The following FAM131B variants were observed in gnomAD, a reference collection of about 807,000 sequenced individuals.
FAM131B encodes the protein family with sequence similarity 131 member B, also known as protein FAM131B.
A neutral mutation model predicts 42.0 loss-of-function variants in FAM131B; 19 were observed. The ratio of observed to expected loss-of-function variants is 0.45; its 90% CI spans 0.32 to 0.66. FAM131B has a LOEUF of 0.66. FAM131B is among the 30% of genes least tolerant of loss of function. The pLI is 0.05. For missense variants in FAM131B, 370 were observed against 468.4 expected (o/e 0.79, Z 1.94); for synonymous variants, 183 against 177.6 (o/e 1.03, Z -0.24).
chr7:143,358,919 A>G lies in FAM131B; in HGVS notation c.374T>C (p.Val125Ala). Residue 125 changes from valine (V) to alanine (A), a missense_variant, in exon 5 of 7, where the codon GTT becomes GCT. Transcript: ENST00000443739. This position sits in a 1 kb window ranked among gnomAD's most constrained non-coding sequence, Gnocchi z 4.7. Reference sequence around the variant, plus strand: ...GGACTCATGGCTGTGTTGTGGCTGAACAGCTGGTGTCTTCCCCCAGCCCTG... The same window carrying G: ...GGACTCATGGCTGTGTTGTGGCTGAGCAGCTGGTGTCTTCCCCCAGCCCTG... The part of the protein sequence containing the change: ...EWQGWGKTPA[V>A]QPQHSHESVR... 1 of 1,613,998 alleles carries G rather than the reference A, an allele frequency of 6.2e-7. No homozygotes were observed. Among genetic ancestry groups the G allele is most frequent in the Non-Finnish European group, 8.5e-7 (1 of 1,180,000 alleles).
At chr7:143,378,291 T>G in the FAM131B span, among the ~76,000 whole-genome samples, 2 of 152,236 alleles carry the variant, frequency 1.3e-5, no homozygotes, top group African/African-American at 4.8e-5. Context: ...TGACTGCTCT[T>G]AACTTCCTAC....
chr7:143,357,898 G>A (rs913976060), intron 5 of FAM131B, among the ~76,000 whole-genome samples: 6 of 152,118 alleles, frequency 3.9e-5, no homozygotes, highest in Non-Finnish European at 4.4e-5. Flanking sequence ...GATTCCTAGG[G>A]GAAAGAGTTA....
In FAM131B at chr7:143,356,719, T is replaced by C. The variant is rs545745498; in HGVS notation, c.914A>G (p.Lys305Arg). 1 of 1,614,152 alleles carries C rather than the reference T, an allele frequency of 6.2e-7. No homozygotes were observed. Among genetic ancestry groups the C allele is most frequent in the South Asian group, 1.1e-5 (1 of 91,078 alleles). The change falls in exon 7 of 7, where the codon AAG (lysine) becomes AGG (arginine). Residue 305 changes from lysine to arginine, a missense_variant. Coordinates refer to ENST00000443739, the MANE Select transcript of FAM131B (RefSeq NM_001031690.3). This position sits in a 1 kb window ranked among gnomAD's most constrained non-coding sequence, Gnocchi z 4.4. ...TTCCTCCTCAGGTGCCAATGGCCTC[T>C]TCTCCTCCTCAGCAGGGCCCCTTGC... ...DLARGPAEEE[K>R]RPLAPEEEED...
intron 1 of FAM131B, chr7:143,360,392 G>A: frequency 7.3e-7 from 1 of 1,370,936 alleles, no homozygotes; most frequent in Non-Finnish European, 9.4e-7. Context: ...TTGTTTATGT[G>A]GAGGGGTCAG....
At chr7:143,369,110 C>T in the FAM131B span, among the ~76,000 whole-genome samples, 1 of 152,144 alleles carries the variant, frequency 6.6e-6, no homozygotes, top group Non-Finnish European at 1.5e-5. Flanking sequence ...GCTGTACTTC[C>T]ACAGACAAGG....
intron 1 of FAM131B, chr7:143,360,463 A>T: frequency 8.6e-7 from 1 of 1,167,148 alleles, no homozygotes; most frequent in South Asian, 2.0e-5. Context: ...GGGTTTCTGT[A>T]TGGGAGCTGG....
the FAM131B span, among the ~76,000 whole-genome samples, chr7:143,370,180 G>A: frequency 6.6e-6 from 1 of 152,212 alleles, no homozygotes; most frequent in Non-Finnish European, 1.5e-5. Flanking sequence ...TCCTTCTAAG[G>A]TGGGAGCTGG....
At chr7:143,357,584 A>G (rs1803729424) in intron 5 of FAM131B, among the ~76,000 whole-genome samples, 161 bp from the exon 6 acceptor site, 1 of 152,274 alleles carries the variant, frequency 6.6e-6, no homozygotes, top group African/African-American at 2.4e-5. Flanking sequence ...AATTAAAAAG[A>G]AACAGGTTAA....
At chr7:143,372,893 A>G in the FAM131B span, among the ~76,000 whole-genome samples, 1 of 151,254 alleles carries the variant, frequency 6.6e-6, no homozygotes. Context: ...CGGGAGGCGG[A>G]GGTTGCAGTT....
rs766911168 is a variant in FAM131B, at chr7:143,359,726, ACTCACGTTGATGC to A, written c.167_174+5del. On this transcript the variant is annotated splice_donor_variant and splice_donor_5th_base_variant and coding_sequence_variant and intron_variant, in exon 3 of 7. Coordinates refer to ENST00000443739, the MANE Select transcript of FAM131B (RefSeq NM_001031690.3). LOFTEE classifies it high-confidence loss of function. The surrounding 1 kb of genome is among the most constrained non-coding windows in gnomAD (Gnocchi z 5.4). The stretch of plus-strand genomic sequence containing the variant: ...GATGGGGAGGTCTGGGGGCAGCTGC[ACTCACGTTGATGC>A]CGTCCCAGGAGAAATCAGTTCGAGT... The A allele has an allele frequency of 7.6e-6, 12 of 1,569,164 alleles. No individual in the cohort carries two copies. The African/African-American group carries it at 1.6e-4, about 21-fold the overall frequency.
the FAM131B span, among the ~76,000 whole-genome samples, chr7:143,376,798 CA>C: frequency 1.5e-3 from 225 of 152,306 alleles, 2 homozygotes; most frequent in East Asian, 7.1e-3. Context: ...GTACTCAGCG[CA>C]AGGGAGGTGC....
chr7:143,368,402 T>A, the FAM131B span, among the ~76,000 whole-genome samples: 2 of 152,244 alleles, frequency 1.3e-5, no homozygotes, highest in Admixed American at 6.5e-5. Context: ...AGTTTTATAT[T>A]CCTTCCTCCA....
At chr7:143,368,401 T>C in the FAM131B span, among the ~76,000 whole-genome samples, 1 of 152,238 alleles carries the variant, frequency 6.6e-6, no homozygotes, top group Non-Finnish European at 1.5e-5. Context: ...CAGTTTTATA[T>C]TCCTTCCTCC....
At chr7:143,381,426 G>T in the FAM131B span, 8 of 1,255,724 alleles carry the variant, frequency 6.4e-6, no homozygotes, top group East Asian at 2.0e-4. Context: ...CGCGGGGAGC[G>T]GCAGGGCGGC....
the FAM131B span, among the ~76,000 whole-genome samples, chr7:143,369,340 C>T: frequency 6.6e-6 from 1 of 152,066 alleles, no homozygotes; most frequent in Non-Finnish European, 1.5e-5. Context: ...AATCTTTTTG[C>T]TTATGGAGAC....
chr7:143,366,200 T>C (rs564144436), upstream of FAM131B, among the ~76,000 whole-genome samples: 4 of 152,236 alleles, frequency 2.6e-5, no homozygotes, highest in African/African-American at 9.6e-5. Flanking sequence ...TTGTCTTTTT[T>C]TAATTAAGGT....
intron 1 of FAM131B, 28 bp from the exon 2 acceptor site, chr7:143,360,177 G>T (rs1296570488): frequency 2.5e-6 from 4 of 1,577,842 alleles, no homozygotes; most frequent in Non-Finnish European, 3.4e-6. Flanking sequence ...TTAGCCGCCG[G>T]CCCTCACCTC....
At chr7:143,360,914 GC>G (rs201949908) in intron 1 of FAM131B, 2,386 of 152,500 alleles carry the variant, frequency 0.016, 23 homozygotes, top group Non-Finnish European at 0.022. Context: ...CCTTGTTACA[GC>G]CGGGCCAGAG....
At chr7:143,381,524 C>G in the FAM131B span, 2 of 1,577,948 alleles carry the variant, frequency 1.3e-6, no homozygotes, top group East Asian at 2.3e-5. Context: ...CTGAGCCCGG[C>G]TCCGCGCTGC....
Sources: allele counts gnomAD v4.1 joint callset (sites outside exome capture counted in the v4.1 genomes callset), GRCh38; gene constraint gnomAD v4.1.1; non-coding constraint Gnocchi (gnomAD v3.1); transcripts MANE v1.5; gene names NCBI Gene and HGNC (gene_info 2026-07-23, HGNC 2026-07-21).